CD247: variants seen among roughly 807,000 people sequenced by gnomAD.
The protein encoded by CD247 is T-cell surface glycoprotein CD3 zeta chain.
CD247 carries 13 observed loss-of-function variants against 30.0 expected under a neutral mutation model. The ratio of observed to expected loss-of-function variants is 0.43; its 90% confidence interval spans 0.28 to 0.69. The LOEUF is 0.69. CD247 is among the 30% of genes least tolerant of loss of function. CD247 has a pLI of 0.16. For synonymous variants in CD247, 72 were observed against 80.0 expected, an observed-to-expected ratio of 0.90 and a Z score of 0.53; for missense variants, 193 against 212.6, an observed-to-expected ratio of 0.91 and a Z score of 0.57.
rs1654623011 is a variant in CD247 at position 167,494,980 on chromosome 1, T to C, written c.58+23428A>G. The stretch of plus-strand genomic sequence containing the variant: ...CCTGGACCTTGTGTCCGAGGAGCAG[T>C]GTTGGACCCTCAATTCAGACAAAGT... On this transcript the variant is annotated intron_variant, in intron 1 of 7. Coordinates refer to ENST00000362089, the MANE Select transcript of CD247 (RefSeq NM_198053.3). This position sits in a 1 kb window ranked among gnomAD's most constrained non-coding sequence, Gnocchi z 7.3. 6.6e-6 allele frequency among the ~76,000 whole-genome samples: 1 copy of C among 152,114 alleles called. No homozygotes were observed. The highest frequency in any genetic ancestry group is 2.1e-4 in the South Asian group (1 of 4,828).
In CD247 at chr1:167,465,364, G is replaced by A. The variant is rs75859438; in HGVS notation, c.59-24597C>T. On this transcript the variant is annotated intron_variant, in intron 1 of 7. Coordinates refer to ENST00000362089, the MANE Select transcript of CD247 (RefSeq NM_198053.3). ...TTTTTTTGAGATGGAGTCCCGTTCA[G>A]TTGCCCAGGCTGCTGGAGTGCAGTG... Among the ~76,000 whole-genome samples, 1,280 of 130,494 alleles carry A rather than the reference G, an allele frequency of 9.8e-3. 31 individuals are homozygous for A. The highest frequency in any genetic ancestry group is 0.052 in the Admixed American group (581 of 11,088). 85.6% of individuals were successfully genotyped at this position (130,494 alleles called of 152,430 possible). A position where few individuals can be genotyped will look rare whatever the true frequency, so the allele number is the denominator to read the frequency against.
chr1:167,444,192 T>A (rs1473110832), intron 1 of CD247, among the ~76,000 whole-genome samples: 1 of 152,128 alleles, frequency 6.6e-6, no homozygotes. Context: ...GATATTTGGG[T>A]CGAGTCTTCT....
At chr1:167,433,905 A>C (rs1016876537) in intron 6 of CD247, 115 bp downstream of exon 6, 1 of 981,386 alleles carries the variant, frequency 1.0e-6, no homozygotes, top group African/African-American at 1.6e-5. Context: ...TCTGATGGCC[A>C]CCACATGGGC....
At chr1:167,457,271 TG>T (rs1394860775) in intron 1 of CD247, 3 of 152,190 alleles carry the variant, frequency 2.0e-5, no homozygotes, top group African/African-American at 7.2e-5. Flanking sequence ...TATATGGAAG[TG>T]GGAGGTGGGG....
At chr1:167,504,216 G>A (rs1258913383) in intron 1 of CD247, among the ~76,000 whole-genome samples, 1 of 152,152 alleles carries the variant, frequency 6.6e-6, no homozygotes, top group Non-Finnish European at 1.5e-5. Context: ...AGTGCCACAG[G>A]ATTAGTTGAC....
intron 1 of CD247, among the ~76,000 whole-genome samples, chr1:167,503,717 G>T (rs1044337838): frequency 2.0e-5 from 3 of 152,134 alleles, no homozygotes; most frequent in Admixed American, 2.0e-4. Flanking sequence ...GACAAGGAAG[G>T]GTGACACATC....
Position 167,431,518 on chromosome 1 carries a change from T to G in CD247, c.*163A>C. ...CTTAAAGAGTGCAGGGACAACAGTC[T>G]GTGTGTGAAGGTTTGGAGCTAAATA... is the stretch of plus-strand genomic sequence containing the variant. On this transcript the variant is annotated 3_prime_UTR_variant, in exon 8 of 8. Coordinates refer to ENST00000362089, the MANE Select transcript of CD247 (RefSeq NM_198053.3). 1.4e-6 allele frequency: 1 copy of G among 733,142 alleles called. No individual in the cohort carries two copies. The highest frequency in any genetic ancestry group is 1.5e-5 in the South Asian group (1 of 66,644). 45.4% of individuals were successfully genotyped at this position (733,142 alleles called of 1,614,324 possible). A position where few individuals can be genotyped will look rare whatever the true frequency, so the allele number is the denominator to read the frequency against.
intron 1 of CD247, among the ~76,000 whole-genome samples, chr1:167,443,334 G>A (rs1651926448): frequency 6.6e-6 from 1 of 152,200 alleles, no homozygotes; most frequent in Non-Finnish European, 1.5e-5. Flanking sequence ...TCAGTGATGA[G>A]GAAGATGCTG....
At position 167,491,167 on chromosome 1, in the gene CD247, A is replaced by G. The variant is rs142562579; in HGVS notation, c.58+27241T>C. ...CTACTTGTTTAAAAAACAGAAAATC[A>G]CAAGTGTTGGTGAGGATGTGGAGAA... On this transcript the variant is annotated intron_variant, in intron 1 of 7. Coordinates refer to ENST00000362089, the MANE Select transcript of CD247 (RefSeq NM_198053.3). 4.5e-3 allele frequency among the ~76,000 whole-genome samples: 691 copies of G among 152,280 alleles called. 5 individuals carry two copies. Among genetic ancestry groups the G allele is most frequent in the Middle Eastern group, 0.02 (6 of 294 alleles).
At chr1:167,507,029 T>G (rs1199952078) in intron 1 of CD247, among the ~76,000 whole-genome samples, 4 of 151,776 alleles carry the variant, frequency 2.6e-5, no homozygotes, top group African/African-American at 9.7e-5. Flanking sequence ...CCTGAGTAGC[T>G]GGGACTACAG....
intron 1 of CD247, among the ~76,000 whole-genome samples, chr1:167,475,276 A>G (rs1038351666): frequency 2.6e-5 from 4 of 152,186 alleles, no homozygotes; most frequent in African/African-American, 9.7e-5. Context: ...AACGATGATC[A>G]GCTCACGGCT....
chr1:167,485,471 G>C (rs555296327), intron 1 of CD247, among the ~76,000 whole-genome samples: 3 of 152,294 alleles, frequency 2.0e-5, no homozygotes, highest in Non-Finnish European at 4.4e-5. Context: ...GGATTGTAGT[G>C]GGGGTGGAAG....
chr1:167,507,560 G>A (rs566989914), intron 1 of CD247, among the ~76,000 whole-genome samples: 7 of 152,036 alleles, frequency 4.6e-5, no homozygotes, highest in African/African-American at 1.2e-4. Flanking sequence ...AATAGGCAGC[G>A]TGGTGGCTTA....
At chr1:167,505,229 C>T (rs1236904069) in intron 1 of CD247, among the ~76,000 whole-genome samples, 1 of 152,136 alleles carries the variant, frequency 6.6e-6, no homozygotes, top group Non-Finnish European at 1.5e-5. Context: ...CTCCTGGGCT[C>T]AAGCAATCCT....
At chr1:167,468,716 C>A (rs10918695) in intron 1 of CD247, among the ~76,000 whole-genome samples, 1 of 151,982 alleles carries the variant, frequency 6.6e-6, no homozygotes, top group Non-Finnish European at 1.5e-5. Context: ...TAAAGGGAAA[C>A]CAAGGCTGAG....
At chr1:167,454,666 A>G (rs200305802) in intron 1 of CD247, among the ~76,000 whole-genome samples, 2 of 4,564 alleles carry the variant, frequency 4.4e-4, no homozygotes, top group Non-Finnish European at 3.6e-3. Flanking sequence ...CATGATCACT[A>G]TTGTTATTAT....
chr1:167,451,189 G>A (rs1270186402), intron 1 of CD247, among the ~76,000 whole-genome samples: 1 of 152,160 alleles, frequency 6.6e-6, no homozygotes, highest in Admixed American at 6.5e-5. Flanking sequence ...CGACAAGCGT[G>A]TGGGGTTGTT....
chr1:167,492,071 G>C (rs1342466688), intron 1 of CD247, among the ~76,000 whole-genome samples: 1 of 152,192 alleles, frequency 6.6e-6, no homozygotes, highest in African/African-American at 2.4e-5. Flanking sequence ...GCAACAATAT[G>C]AATGTACTTG....
At chr1:167,446,845 A>AT (rs746193205) in intron 1 of CD247, among the ~76,000 whole-genome samples, 5 of 152,186 alleles carry the variant, frequency 3.3e-5, no homozygotes, top group Non-Finnish European at 5.9e-5. Context: ...ATACAAAAAA[A>AT]TTAGCCGGGC....
Sources: allele counts gnomAD v4.1 joint callset (sites outside exome capture counted in the v4.1 genomes callset), GRCh38; gene constraint gnomAD v4.1.1; non-coding constraint Gnocchi (gnomAD v3.1); transcripts MANE v1.5; gene names NCBI Gene and HGNC (gene_info 2026-07-23, HGNC 2026-07-21).